Variants in ADARB2 observed in about 807,000 individuals in gnomAD.
The protein encoded by ADARB2 is inactive double-stranded RNA-specific editase B2.
Under a neutral mutation model 62.2 loss-of-function variants are expected in ADARB2, and 25 were observed. The ratio of observed to expected loss-of-function variants is 0.40; its 90% CI spans 0.29 to 0.56. ADARB2 has a LOEUF of 0.56. ADARB2 is among the 20% of genes least tolerant of loss of function. The probability of loss-of-function intolerance (pLI) is 0.43; values close to 1 mark genes in which losing one functional copy is unlikely to be tolerated. For synonymous variants in ADARB2, 572 were observed against 500.8 expected, an observed-to-expected ratio of 1.14 and a Z score of -1.90; for missense variants, 1,071 against 1,077.4, an observed-to-expected ratio of 0.99 and a Z score of 0.08.
chr10:1,606,730 G>T (rs888550975), intron 1 of ADARB2, among the ~76,000 whole-genome samples: 1 of 152,080 alleles, frequency 6.6e-6, no homozygotes, highest in Non-Finnish European at 1.5e-5. Flanking sequence ...GAGCTGACAG[G>T]CTCCTGCACA....
At position 1,341,554 on chromosome 10, in the gene ADARB2, C is replaced by T. The variant is rs1231773162; in HGVS notation, c.1077+21474G>A. On this transcript the variant is annotated intron_variant, in intron 3 of 9. Coordinates refer to ENST00000381312, the MANE Select transcript of ADARB2 (RefSeq NM_018702.4). ...ATAACAAGCATCCACCAGAGAACCA[C>T]GTGCCCCACAGTGGCAATAACCAGC... is the stretch of plus-strand genomic sequence containing the variant. Among the ~76,000 whole-genome samples the T allele has an allele frequency of 4.1e-5, 6 of 147,076 alleles. No individual in the cohort carries two copies. The South Asian group carries it at 1.1e-3, about 27-fold the overall frequency.
At chr10:1,516,738 T>C (rs1832013983) in intron 1 of ADARB2, among the ~76,000 whole-genome samples, 2 of 152,210 alleles carry the variant, frequency 1.3e-5, no homozygotes, top group African/African-American at 4.8e-5. Context: ...CCAACTGTGA[T>C]GCGACAGAGA....
chr10:1,692,153 G>A (rs1484174547), intron 1 of ADARB2, among the ~76,000 whole-genome samples: 1 of 152,208 alleles, frequency 6.6e-6, no homozygotes, highest in Non-Finnish European at 1.5e-5. Flanking sequence ...GCAACAGCAA[G>A]TGTCTGAGGA....
chr10:1,502,575 C>T lies in ADARB2; in HGVS notation c.101-123415G>A, dbSNP rs192695625. 2.0e-3 allele frequency among the ~76,000 whole-genome samples: 310 copies of T among 152,342 alleles called. 3 individuals are homozygous for T. Among genetic ancestry groups the T allele is most frequent in the African/African-American group, 6.5e-3 (272 of 41,588 alleles). ...TACTTGTGTTTGAAGAGGAGTTAAG[C>T]TGCAATAAAGGAACTGTCACCCGCT... On this transcript the variant is annotated intron_variant, in intron 1 of 9. Transcript: ENST00000381312.
At chr10:1,405,826 T>A (rs1423893041) in intron 1 of ADARB2, among the ~76,000 whole-genome samples, 2 of 151,996 alleles carry the variant, frequency 1.3e-5, no homozygotes, top group Non-Finnish European at 2.9e-5. Context: ...TTCTCCAAGA[T>A]ACACCTGTTT....
At chr10:1,672,677 C>T (rs971668143) in intron 1 of ADARB2, among the ~76,000 whole-genome samples, 5 of 151,634 alleles carry the variant, frequency 3.3e-5, no homozygotes, top group African/African-American at 1.2e-4. Context: ...TCCCTCCACG[C>T]ACGCACTTCC....
chr10:1,370,953 C>T (rs1430706546), intron 2 of ADARB2, among the ~76,000 whole-genome samples: 2 of 152,162 alleles, frequency 1.3e-5, no homozygotes, highest in Non-Finnish European at 2.9e-5. Flanking sequence ...AAAAACAATC[C>T]TAAAGTTCAT....
intron 1 of ADARB2, among the ~76,000 whole-genome samples, chr10:1,583,739 A>G (rs1489735680): frequency 1.3e-5 from 2 of 152,210 alleles, no homozygotes; most frequent in African/African-American, 4.8e-5. Context: ...CTCATTCTAA[A>G]GTTTATGTGG....
In ADARB2 at chr10:1,396,465, G is replaced by C. The variant is rs998439078; in HGVS notation, c.101-17305C>G. ...TGTTCAACAAAAAGTTGCCAGGCAC[G>C]TGCTGTGTCCCAGGATCGAAGAATC... On this transcript the variant is annotated intron_variant, in intron 1 of 9. Coordinates refer to ENST00000381312, the MANE Select transcript of ADARB2 (RefSeq NM_018702.4). Among the ~76,000 whole-genome samples, 6 of 152,164 alleles carry C rather than the reference G, an allele frequency of 3.9e-5. No individual in the cohort carries two copies. In the East Asian group the frequency reaches 1.2e-3, roughly 29 times the overall value.
At chr10:1,495,396 T>C (rs1002417199) in intron 1 of ADARB2, among the ~76,000 whole-genome samples, 1 of 152,210 alleles carries the variant, frequency 6.6e-6, no homozygotes, top group Non-Finnish European at 1.5e-5. Flanking sequence ...CAAAAGGAGA[T>C]CTCATAAGTT....
chr10:1,729,517 T>C (rs779482976), intron 1 of ADARB2, among the ~76,000 whole-genome samples: 29 of 152,372 alleles, frequency 1.9e-4, no homozygotes, highest in Non-Finnish European at 3.4e-4. Context: ...CTGATGTTTC[T>C]GTCATGTTTA....
intron 1 of ADARB2, among the ~76,000 whole-genome samples, chr10:1,500,650 AG>A: frequency 6.6e-6 from 1 of 152,330 alleles, no homozygotes; most frequent in East Asian, 1.9e-4. Flanking sequence ...GATAAAAGAG[AG>A]GTAAAATAGA....
intron 3 of ADARB2, among the ~76,000 whole-genome samples, chr10:1,298,665 G>A (rs1228604828): frequency 6.8e-6 from 1 of 146,520 alleles, no homozygotes; most frequent in East Asian, 2.0e-4. Context: ...TCAAGGGCAC[G>A]TGCCCCACTG....
intron 3 of ADARB2, among the ~76,000 whole-genome samples, chr10:1,282,706 G>A (rs1831380815): frequency 6.6e-6 from 1 of 152,276 alleles, no homozygotes; most frequent in East Asian, 1.9e-4. Flanking sequence ...CAGCTAAAGT[G>A]CTCAAAAATA....
At chr10:1,244,106 T>C (rs910852202) in intron 4 of ADARB2, among the ~76,000 whole-genome samples, 3 of 152,202 alleles carry the variant, frequency 2.0e-5, no homozygotes, top group African/African-American at 7.2e-5. Context: ...GTCCCAGAAG[T>C]TGACGAGCAG....
At chr10:1,505,217 A>G (rs1831827056) in intron 1 of ADARB2, among the ~76,000 whole-genome samples, 1 of 152,162 alleles carries the variant, frequency 6.6e-6, no homozygotes. Context: ...ACACATGCAC[A>G]CACAGAAACA....
intron 4 of ADARB2, among the ~76,000 whole-genome samples, chr10:1,258,859 T>C (rs1040565270): frequency 1.3e-5 from 2 of 152,256 alleles, no homozygotes; most frequent in African/African-American, 2.4e-5. Context: ...GTTTTCAGCA[T>C]CACACCACAC....
intron 1 of ADARB2, among the ~76,000 whole-genome samples, chr10:1,597,450 G>A (rs1729537997): frequency 6.6e-6 from 1 of 152,140 alleles, no homozygotes; most frequent in South Asian, 2.1e-4. Context: ...ATTAAAAAGT[G>A]GGCACAGGAC....
chr10:1,379,181 A>G lies in ADARB2; in HGVS notation c.101-21T>C, dbSNP rs754916722. 3.2e-6 allele frequency: 5 copies of G among 1,580,332 alleles called. No individual in the cohort carries two copies. The East Asian group carries it at 9.0e-5, about 28-fold the overall frequency. On this transcript the variant is annotated intron_variant, in intron 1 of 9. Transcript: ENST00000381312. ...TTTATCTGGAAAGAAAAGAACAGGA[A>G]ATGCACTTTTGACATGGAGTTGCGG...
Sources: gnomAD v4.1 joint callset for allele counts (sites outside exome capture counted in the v4.1 genomes callset) on GRCh38, gnomAD v4.1.1 for gene constraint, MANE v1.5 for transcripts, NCBI Gene and HGNC (gene_info 2026-07-23, HGNC 2026-07-21) for gene names.